Variants in RBFOX1 observed in about 807,000 individuals in gnomAD.
RBFOX1 encodes RNA binding protein fox-1 homolog 1.
In RBFOX1, 8 loss-of-function variants were observed where a neutral mutation model predicts 57.7. That is an observed-to-expected ratio of 0.14 (90% CI 0.08 to 0.25). The LOEUF (loss-of-function observed/expected upper bound fraction) is 0.25, where lower values mean the gene tolerates loss of function less well. Among genes scored for constraint, RBFOX1 ranks in the 10% least tolerant of loss-of-function variants. RBFOX1 has a pLI of 1.00. For missense variants in RBFOX1, 611 were observed against 548.5 expected, an observed-to-expected ratio of 1.11 and a Z score of -1.14; for synonymous variants, 326 against 222.4, an observed-to-expected ratio of 1.47 and a Z score of -4.15.
intron 3 of RBFOX1, among the ~76,000 whole-genome samples, chr16:5,715,750 G>T (rs1162073858): frequency 6.6e-6 from 1 of 152,192 alleles, no homozygotes; most frequent in East Asian, 1.9e-4. Flanking sequence ...TGAGATGCCT[G>T]TGCTGGAATG....
rs1185544661 is a variant in RBFOX1 at position 5,749,442 on chromosome 16, A to AGGAGTG, written c.319-117861_319-117860insGGAGTG. 2.8e-3 allele frequency among the ~76,000 whole-genome samples: 425 copies of AGGAGTG among 152,280 alleles called. 1 individual carries two copies. Among genetic ancestry groups the AGGAGTG allele is most frequent in the South Asian group, 0.01 (49 of 4,824 alleles). On this transcript the variant is annotated intron_variant, in intron 3 of 19. Coordinates refer to the RBFOX1 transcript ENST00000641259. ...TGCTAGGTTGGGGAAGTTCTCCTGG[A>AGGAGTG]TAATATCCTGCAGAGTGTTTTCCAA...
At chr16:7,261,204 C>T (rs2094906420) in intron 4 of RBFOX1, among the ~76,000 whole-genome samples, 1 of 152,208 alleles carries the variant, frequency 6.6e-6, no homozygotes, top group African/African-American at 2.4e-5. Flanking sequence ...TTGGGTAAGT[C>T]ACTTAGCTTC....
At chr16:7,605,640 T>C (rs1238634913) in intron 9 of RBFOX1, among the ~76,000 whole-genome samples, 1 of 152,190 alleles carries the variant, frequency 6.6e-6, no homozygotes, top group Non-Finnish European at 1.5e-5. Flanking sequence ...TGGGCTATTC[T>C]TAGTTCGGGC....
intron 3 of RBFOX1, among the ~76,000 whole-genome samples, chr16:5,725,475 C>G (rs1443966480): frequency 6.6e-6 from 1 of 151,732 alleles, no homozygotes; most frequent in African/African-American, 2.4e-5. Context: ...GTTTTCCAGT[C>G]TTGTCTCAAA....
intron 3 of RBFOX1, among the ~76,000 whole-genome samples, chr16:5,717,707 C>G (rs1041075202): frequency 6.6e-6 from 1 of 152,216 alleles, no homozygotes. Context: ...CAACACAGCA[C>G]TCTCTCTAAT....
chr16:6,669,567 T>C (rs2098751800), intron 3 of RBFOX1, among the ~76,000 whole-genome samples: 1 of 152,220 alleles, frequency 6.6e-6, no homozygotes, highest in Non-Finnish European at 1.5e-5. Context: ...TCATATACAT[T>C]ATGAAAAAGT....
chr16:7,653,045 A>G (rs1452363912), intron 11 of RBFOX1, among the ~76,000 whole-genome samples: 1 of 152,194 alleles, frequency 6.6e-6, no homozygotes, highest in Non-Finnish European at 1.5e-5. Flanking sequence ...ATATGTTCAT[A>G]TCAGCATATG....
At position 5,946,516 on chromosome 16, in the gene RBFOX1, A is replaced by C. The variant is rs2059402878; in HGVS notation, c.351+79181A>C. ...GGTGGGGTGCCTGGAGAGGACATGG[A>C]AGTTCTACGCCCTTCCCCGTATCTC... is the stretch of plus-strand genomic sequence containing the variant. On this transcript the variant is annotated intron_variant, in intron 4 of 19. Coordinates refer to the RBFOX1 transcript ENST00000641259. The surrounding 1 kb of genome is among the most constrained non-coding windows in gnomAD (Gnocchi z 4.6). Among the ~76,000 whole-genome samples, 1 of 151,992 alleles carries C rather than the reference A, an allele frequency of 6.6e-6. No individual in the cohort carries two copies. Among genetic ancestry groups the C allele is most frequent in the Non-Finnish European group, 1.5e-5 (1 of 68,006 alleles).
At chr16:7,627,029 G>C (rs1236405256) in intron 10 of RBFOX1, among the ~76,000 whole-genome samples, 1 of 151,990 alleles carries the variant, frequency 6.6e-6, no homozygotes, top group Non-Finnish European at 1.5e-5. Context: ...TAAGAGCATA[G>C]TGTAGGTAAT....
At chr16:5,841,182 G>T (rs1018709127) in intron 3 of RBFOX1, among the ~76,000 whole-genome samples, 14 of 152,142 alleles carry the variant, frequency 9.2e-5, no homozygotes, top group Non-Finnish European at 1.8e-4. Flanking sequence ...ACACTATATA[G>T]AGTAGGTACT....
At chr16:6,814,953 T>C (rs774409523) in intron 3 of RBFOX1, among the ~76,000 whole-genome samples, 1 of 152,134 alleles carries the variant, frequency 6.6e-6, no homozygotes, top group Admixed American at 6.5e-5. Context: ...AATAAAAGAA[T>C]GGCTGTTCTA....
chr16:7,426,296 C>T (rs529745197), intron 4 of RBFOX1, among the ~76,000 whole-genome samples: 2 of 152,292 alleles, frequency 1.3e-5, no homozygotes, highest in East Asian at 1.9e-4. Flanking sequence ...TCCTTACTAG[C>T]AATTTGCCTA....
intron 4 of RBFOX1, among the ~76,000 whole-genome samples, chr16:7,356,052 T>C (rs759637931): frequency 1.3e-5 from 2 of 152,250 alleles, no homozygotes; most frequent in Non-Finnish European, 2.9e-5. Context: ...GAGTTCTCTC[T>C]AATGGGGCTG....
At chr16:5,564,946 T>C (rs958346095) in intron 2 of RBFOX1, among the ~76,000 whole-genome samples, 5 of 152,120 alleles carry the variant, frequency 3.3e-5, no homozygotes, top group Non-Finnish European at 2.9e-5. Flanking sequence ...GTGTAGTTTC[T>C]TACATGGATT....
At chr16:7,253,777 C>G (rs1227610788) in intron 4 of RBFOX1, among the ~76,000 whole-genome samples, 3 of 152,174 alleles carry the variant, frequency 2.0e-5, no homozygotes, top group Admixed American at 2.0e-4. Context: ...CTCCTTGTGA[C>G]TGGGAGTTCA....
chr16:7,235,431 C>G (rs1476919698), intron 4 of RBFOX1, among the ~76,000 whole-genome samples: 1 of 152,182 alleles, frequency 6.6e-6, no homozygotes, highest in Non-Finnish European at 1.5e-5. Context: ...GAGATGTAGT[C>G]ACAAACCAGT....
At chr16:6,692,413 A>C (rs1163512697) in intron 3 of RBFOX1, among the ~76,000 whole-genome samples, 1 of 152,122 alleles carries the variant, frequency 6.6e-6, no homozygotes, top group African/African-American at 2.4e-5. Context: ...CTCTCATTTA[A>C]ATCCATCCTA....
intron 3 of RBFOX1, among the ~76,000 whole-genome samples, chr16:7,013,692 C>T (rs1038597943): frequency 6.6e-6 from 1 of 152,222 alleles, no homozygotes; most frequent in African/African-American, 2.4e-5. Flanking sequence ...CTGTTTTTCT[C>T]TGTTGCCCAG....
chr16:5,426,980 C>T (rs964899567), intron 1 of RBFOX1, among the ~76,000 whole-genome samples: 4 of 152,188 alleles, frequency 2.6e-5, no homozygotes, highest in Admixed American at 2.0e-4. Flanking sequence ...AAATTCATAT[C>T]GGCTTCCAGC....
Sources: allele counts gnomAD v4.1 joint callset (sites outside exome capture counted in the v4.1 genomes callset), GRCh38; gene constraint gnomAD v4.1.1; non-coding constraint Gnocchi (gnomAD v3.1); transcripts MANE v1.5; gene names NCBI Gene and HGNC (gene_info 2026-07-23, HGNC 2026-07-21).